CARD8: variants seen among roughly 807,000 people sequenced by gnomAD.
CARD8 encodes caspase recruitment domain family member 8, also known as caspase recruitment domain-containing protein 8.
A neutral mutation model predicts 53.2 loss-of-function variants in CARD8; 38 were observed. The observed-to-expected ratio is 0.71, with a 90% CI of 0.55 to 0.94. The LOEUF (loss-of-function observed/expected upper bound fraction) is 0.94, where lower values mean the gene tolerates loss of function less well. CARD8 is among the 40% of genes least tolerant of loss of function. The pLI, the probability that CARD8 is intolerant of heterozygous loss-of-function variation, is 0.00. For missense variants in CARD8, 561 were observed against 655.5 expected, an observed-to-expected ratio of 0.86 and a Z score of 1.57; for synonymous variants, 245 against 244.9, an observed-to-expected ratio of 1.00 and a Z score of 0.00.
At chr19:48,223,944 G>A in intron 10 of CARD8, 1 of 449,644 alleles carries the variant, frequency 2.2e-6, no homozygotes, top group South Asian at 1.6e-5. Flanking sequence ...CTGTTGAATA[G>A]AAATGTACTG....
chr19:48,227,781 T>G (rs11880769), intron 10 of CARD8, among the ~76,000 whole-genome samples: 3 of 143,744 alleles, frequency 2.1e-5, no homozygotes, highest in African/African-American at 5.2e-5. Context: ...CCAGCCTGGG[T>G]GAGAGGGCTA....
intron 10 of CARD8, among the ~76,000 whole-genome samples, chr19:48,228,816 G>A (rs2042286113): frequency 6.6e-6 from 1 of 152,140 alleles, no homozygotes; most frequent in Non-Finnish European, 1.5e-5. Context: ...AGGGACCCAA[G>A]ACTCATGTTA....
chr19:48,249,894 A>G (rs919539332), intron 1 of CARD8, 47 bp from the exon 2 acceptor site: 1 of 152,220 alleles, frequency 6.6e-6, no homozygotes, highest in Non-Finnish European at 1.5e-5. Flanking sequence ...GGAAAGGGAA[A>G]TGGGGCCCTC....
At chr19:48,206,691 C>T (rs575946065), downstream of CARD8, among the ~76,000 whole-genome samples, 2 of 140,506 alleles carry the variant, frequency 1.4e-5, no homozygotes, top group South Asian at 2.4e-4. Flanking sequence ...TCTTGAGCTA[C>T]TTGCTCAAGC....
At chr19:48,226,950 T>C (rs575347541) in intron 10 of CARD8, among the ~76,000 whole-genome samples, 16 of 151,694 alleles carry the variant, frequency 1.1e-4, no homozygotes, top group African/African-American at 3.9e-4. Context: ...AAAATACAAA[T>C]AGCTGGGCGT....
chr19:48,206,657 C>CT (rs2037356746), downstream of CARD8: 4 of 374,512 alleles, frequency 1.1e-5, no homozygotes, highest in South Asian at 5.9e-5. Flanking sequence ...AATGAAAACT[C>CT]TAAAGAGCAC....
chr19:48,239,862 A>G (rs1169779071), intron 4 of CARD8, among the ~76,000 whole-genome samples: 1 of 152,174 alleles, frequency 6.6e-6, no homozygotes, highest in Non-Finnish European at 1.5e-5. Context: ...TGGAAAGCCC[A>G]GGATCAAGGT....
At chr19:48,243,218 T>C (rs2146787614) in intron 3 of CARD8, among the ~76,000 whole-genome samples, 1 of 152,260 alleles carries the variant, frequency 6.6e-6, no homozygotes, top group South Asian at 2.1e-4. Context: ...TTTCACCGTG[T>C]TAGCCAGGAT....
rs769063453 is a variant in CARD8 at position 48,211,934 on chromosome 19, T to C, written c.1390A>G (p.Arg464Gly). Residue 464 changes from arginine to glycine, a missense_variant, in exon 14 of 14, where the codon AGG becomes GGG. By Grantham distance (125) the Arg-to-Gly change is moderately radical. Transcript: ENST00000651546. ...AGCACCCCTTTCAGGTCCCCCATCCTGGCTTGGAGTTGCCGGTGGTTCTCC... is the reference window on the plus strand; with the variant it reads ...AGCACCCCTTTCAGGTCCCCCATCCCGGCTTGGAGTTGCCGGTGGTTCTCC... ...VKENHRQLQA[R>G]MGDLKGVLDD... is the part of the protein sequence containing the mutation. The C allele has an allele frequency of 6.2e-7, 1 of 1,614,174 alleles. No homozygotes were observed. Among genetic ancestry groups the C allele is most frequent in the Non-Finnish European group, 8.5e-7 (1 of 1,180,010 alleles).
rs761087770 is a variant in CARD8, at chr19:48,210,946, C to T, written c.*764G>A. On this transcript the variant is annotated 3_prime_UTR_variant, in exon 14 of 14. Transcript: ENST00000651546. ...GAGTTGGCTTATTTTTTGTATGGTA[C>T]ATTGCCAGGAATGTCTGTCTCAGAA... 1 of 152,310 alleles carries T rather than the reference C, an allele frequency of 6.6e-6. No homozygotes were observed. 9.4% of individuals were successfully genotyped at this position (152,310 alleles called of 1,614,324 possible). A position where few individuals can be genotyped will look rare whatever the true frequency, so the allele number is the denominator to read the frequency against.
intron 3 of CARD8, among the ~76,000 whole-genome samples, chr19:48,243,895 G>T (rs575645468): frequency 3.7e-4 from 56 of 152,366 alleles, no homozygotes; most frequent in African/African-American, 1.3e-3. Context: ...CTTAAAGAAG[G>T]TGTACATTAT....
At chr19:48,253,588 A>C (rs1221475679) in intron 1 of CARD8, among the ~76,000 whole-genome samples, 1 of 152,214 alleles carries the variant, frequency 6.6e-6, no homozygotes, top group Non-Finnish European at 1.5e-5. Context: ...AGTTATATTA[A>C]GATTCCAATA....
chr19:48,254,542 G>C (rs1450382802), intron 1 of CARD8, among the ~76,000 whole-genome samples: 1 of 152,036 alleles, frequency 6.6e-6, no homozygotes, highest in Non-Finnish European at 1.5e-5. Flanking sequence ...CACAAGTCAG[G>C]GGTTCGAGAC....
intron 5 of CARD8, 67 bp downstream of exon 5, chr19:48,238,316 T>G (rs2044286225): frequency 6.7e-7 from 1 of 1,494,568 alleles, no homozygotes; most frequent in Non-Finnish European, 8.9e-7. Flanking sequence ...TTCTTATGAA[T>G]GTACATAAAC....
chr19:48,239,943 A>G (rs961587786), intron 4 of CARD8, among the ~76,000 whole-genome samples: 1 of 152,318 alleles, frequency 6.6e-6, no homozygotes, highest in Admixed American at 6.5e-5. Context: ...ATGGGGAAAG[A>G]GAAAGGAGCT....
intron 3 of CARD8, among the ~76,000 whole-genome samples, chr19:48,245,031 C>T (rs140322347): frequency 3.1e-3 from 476 of 152,210 alleles, no homozygotes; most frequent in Non-Finnish European, 5.6e-3. Context: ...CAAGACCTTC[C>T]CTATTTAAGT....
chr19:48,232,584 TGC>T, intron 6 of CARD8, 91 bp from the exon 7 acceptor site: 1 of 1,104,358 alleles, frequency 9.1e-7, no homozygotes, highest in Non-Finnish European at 1.3e-6. Context: ...AAACTAGAGC[TGC>T]ACTGTCCCGT....
chr19:48,218,707 G>T (rs2039886366), intron 12 of CARD8, among the ~76,000 whole-genome samples, 164 bp downstream of exon 12: 2 of 152,038 alleles, frequency 1.3e-5, no homozygotes, highest in South Asian at 2.1e-4. Context: ...AAAGGCCCCA[G>T]TGTGTGTTGT....
At chr19:48,225,764 T>C (rs1438373653) in intron 10 of CARD8, among the ~76,000 whole-genome samples, 2 of 151,554 alleles carry the variant, frequency 1.3e-5, no homozygotes, top group Non-Finnish European at 2.9e-5. Flanking sequence ...CAAGAAGTCA[T>C]GGCTTCAGCT....
Sources: allele counts gnomAD v4.1 joint callset (sites outside exome capture counted in the v4.1 genomes callset), GRCh38; gene constraint gnomAD v4.1.1; transcripts MANE v1.5; gene names NCBI Gene and HGNC (gene_info 2026-07-23, HGNC 2026-07-21).